The following FGFR1OP2 variants were observed in gnomAD, a reference collection of about 807,000 sequenced individuals.
FGFR1OP2 encodes the protein FGFR1 oncogene partner 2, also known as fibroblast growth factor receptor 1 oncogene partner 2.
FGFR1OP2 carries 17 observed loss-of-function variants against 35.2 expected under a neutral mutation model. The observed-to-expected ratio is 0.48, with a 90% confidence interval of 0.33 to 0.73. FGFR1OP2 has a LOEUF of 0.73. Ranked by LOEUF, FGFR1OP2 falls within the 30% of genes least tolerant of loss-of-function variation. The pLI is 0.02. For missense variants in FGFR1OP2, 251 were observed against 307.3 expected (o/e 0.82, Z 1.37); for synonymous variants, 105 against 104.6 (o/e 1.00, Z -0.03).
At chr12:26,942,266 C>T (rs1306984619) in intron 1 of FGFR1OP2, among the ~76,000 whole-genome samples, 4 of 152,152 alleles carry the variant, frequency 2.6e-5, no homozygotes, top group South Asian at 2.1e-4. Context: ...CTCCTGACCT[C>T]GTGATCCACC....
intron 5 of FGFR1OP2, 32 bp from the exon 6 acceptor site, chr12:26,963,310 G>T: frequency 7.0e-7 from 1 of 1,426,540 alleles, no homozygotes; most frequent in Non-Finnish European, 9.7e-7. Context: ...AAAGTATTTT[G>T]CTGATTTCCA....
chr12:26,950,128 G>GTATCTACAA (rs1938895313), intron 1 of FGFR1OP2, among the ~76,000 whole-genome samples: 1 of 149,520 alleles, frequency 6.7e-6, no homozygotes, highest in Admixed American at 6.7e-5. Flanking sequence ...TATTTCTATG[G>GTATCTACAA]TATCTACAAT....
At position 26,965,670 on chromosome 12, in the gene FGFR1OP2, A is replaced by G. The variant is rs1186764541; in HGVS notation, c.*937A>G. 6.6e-6 allele frequency: 1 copy of G among 152,140 alleles called. No individual in the cohort carries two copies. Among genetic ancestry groups the G allele is most frequent in the Non-Finnish European group, 1.5e-5 (1 of 67,870 alleles). The allele number at this position is 152,140 out of a possible 1,614,324, so 9.4% of individuals were successfully genotyped here. A position where few individuals can be genotyped will look rare whatever the true frequency, so the allele number is the denominator to read the frequency against. ...AAGTATTCTTGAGATACAAAAAAAA[A>G]AAGTAAATACAATTTCAAAAAAAAA... On this transcript the variant is annotated 3_prime_UTR_variant, in exon 7 of 7. Transcript: ENST00000229395.
chr12:26,950,488 A>T (rs893637654), intron 1 of FGFR1OP2, among the ~76,000 whole-genome samples: 2 of 152,002 alleles, frequency 1.3e-5, no homozygotes, highest in Admixed American at 6.6e-5. Context: ...GGCCTCCCAA[A>T]GTGCTGGGAT....
chr12:26,951,418 C>T (rs1938927015), intron 1 of FGFR1OP2, among the ~76,000 whole-genome samples: 1 of 152,220 alleles, frequency 6.6e-6, no homozygotes, highest in Non-Finnish European at 1.5e-5. Flanking sequence ...CTCCCAAGTT[C>T]AAGCAATTCT....
At chr12:26,964,079 A>G (rs2136362610) in intron 6 of FGFR1OP2, among the ~76,000 whole-genome samples, 1 of 152,276 alleles carries the variant, frequency 6.6e-6, no homozygotes, top group East Asian at 1.9e-4. Flanking sequence ...GAGGCCAGAA[A>G]GCAAAGTTAT....
At chr12:26,956,726 C>A in intron 3 of FGFR1OP2, 66 bp downstream of exon 3, 3 of 865,020 alleles carry the variant, frequency 3.5e-6, no homozygotes, top group Non-Finnish European at 5.3e-6. Flanking sequence ...GTATTTATTG[C>A]TCTTTATCCT....
intron 1 of FGFR1OP2, chr12:26,953,412 A>G (rs1456622487): frequency 6.6e-6 from 1 of 152,202 alleles, no homozygotes; most frequent in Non-Finnish European, 1.5e-5. Flanking sequence ...GAAGAAGCTG[A>G]CAATTGACTG....
rs1286219789 is a variant in FGFR1OP2 at position 26,954,142 on chromosome 12, T to C, written c.-14-3T>C. ...TGAGTCTTGATTTTAATTTTAATTA[T>C]AGATATATCTTTAGAAATGAGTTGC... is the stretch of plus-strand genomic sequence containing the variant. On this transcript the variant is annotated splice_polypyrimidine_tract_variant and splice_region_variant and intron_variant, in intron 1 of 6. Coordinates refer to ENST00000229395, the MANE Select transcript of FGFR1OP2 (RefSeq NM_015633.3). 6.4e-7 allele frequency: 1 copy of C among 1,552,858 alleles called. No homozygotes were observed. Among genetic ancestry groups the C allele is most frequent in the African/African-American group, 1.4e-5 (1 of 71,882 alleles).
chr12:26,941,428 A>G (rs1345705210), intron 1 of FGFR1OP2, among the ~76,000 whole-genome samples: 1 of 152,270 alleles, frequency 6.6e-6, no homozygotes, highest in Admixed American at 6.5e-5. Context: ...GGAAATGAAC[A>G]TGCAAATTCT....
intron 1 of FGFR1OP2, among the ~76,000 whole-genome samples, chr12:26,952,073 A>G (rs1938937953): frequency 6.8e-6 from 1 of 147,088 alleles, no homozygotes; most frequent in Admixed American, 6.8e-5. Context: ...TCTTAGTACA[A>G]GTCAGTGCCC....
At chr12:26,957,523 A>T (rs1010796900) in intron 3 of FGFR1OP2, 78 bp from the exon 4 acceptor site, 15 of 1,311,792 alleles carry the variant, frequency 1.1e-5, no homozygotes, top group Non-Finnish European at 1.5e-5. Context: ...TGTCCCGTTC[A>T]TAAGTTGCTT....
At chr12:26,951,961 A>G (rs191626144) in intron 1 of FGFR1OP2, among the ~76,000 whole-genome samples, 63 of 152,228 alleles carry the variant, frequency 4.1e-4, no homozygotes, top group Admixed American at 1.2e-3. Flanking sequence ...CAAATCTTTT[A>G]CAATTTGTTG....
At chr12:26,960,881 A>C (rs1451929196) in intron 5 of FGFR1OP2, 1 of 285,172 alleles carries the variant, frequency 3.5e-6, no homozygotes, top group African/African-American at 2.2e-5. Flanking sequence ...CCAACGCTTT[A>C]TTTATTTGCT....
chr12:26,940,372 C>T (rs1220531668), intron 1 of FGFR1OP2, among the ~76,000 whole-genome samples: 1 of 152,226 alleles, frequency 6.6e-6, no homozygotes, highest in East Asian at 1.9e-4. Flanking sequence ...TGTCTTTATA[C>T]AGTTCCAAAC....
chr12:26,959,877 A>G (rs1267749282), intron 4 of FGFR1OP2, among the ~76,000 whole-genome samples: 1 of 152,186 alleles, frequency 6.6e-6, no homozygotes, highest in Non-Finnish European at 1.5e-5. Flanking sequence ...AGCTTGCAGT[A>G]TAGTGGGAGA....
chr12:26,949,525 A>G (rs1938882907), intron 1 of FGFR1OP2, among the ~76,000 whole-genome samples: 1 of 151,992 alleles, frequency 6.6e-6, no homozygotes, highest in Admixed American at 6.6e-5. Flanking sequence ...CGTGTTTAAT[A>G]TTGTGGCCAT....
intron 2 of FGFR1OP2, among the ~76,000 whole-genome samples, chr12:26,956,323 C>G (rs912340016): frequency 6.6e-6 from 1 of 151,848 alleles, no homozygotes; most frequent in Admixed American, 6.6e-5. Context: ...TGTATATCTT[C>G]TTTAGATAAA....
intron 1 of FGFR1OP2, among the ~76,000 whole-genome samples, chr12:26,942,064 G>A (rs1319129809): frequency 6.6e-6 from 1 of 152,124 alleles, no homozygotes; most frequent in East Asian, 1.9e-4. Context: ...ATGGAATCTT[G>A]CTCTGTCGCC....
Sources: gnomAD v4.1 joint callset for allele counts (sites outside exome capture counted in the v4.1 genomes callset) on GRCh38, gnomAD v4.1.1 for gene constraint, MANE v1.5 for transcripts, NCBI Gene and HGNC (gene_info 2026-07-23, HGNC 2026-07-21) for gene names.